The following IGSF10 variants were observed in gnomAD, a reference collection of about 807,000 sequenced individuals.
IGSF10 encodes immunoglobulin superfamily member 10.
IGSF10 carries 126 observed loss-of-function variants against 128.2 expected under a neutral mutation model. The ratio of observed to expected loss-of-function variants is 0.98; its 90% CI spans 0.85 to 1.14. IGSF10 has a LOEUF of 1.14. IGSF10 is among the 50% of genes most tolerant of loss of function. IGSF10 has a pLI of 0.00. For missense variants in IGSF10, 3,295 were observed against 3,149.8 expected, an observed-to-expected ratio of 1.05 and a Z score of -1.10; for synonymous variants, 1,185 against 1,146.2, an observed-to-expected ratio of 1.03 and a Z score of -0.68.
rs145400491 is a variant in IGSF10, at chr3:151,443,229, G to A, written c.5718C>T (p.Asn1906=). The A allele has an allele frequency of 2.6e-4, 415 of 1,613,138 alleles. 2 individuals carry two copies. Among genetic ancestry groups the A allele is most frequent in the Non-Finnish European group, 4.3e-5 (51 of 1,179,622 alleles). The change falls in exon 7 of 8, where the codon AAC becomes AAT. Residue 1906 remains asparagine, a synonymous_variant. Transcript: ENST00000282466. ...LFSNGTLYIR[N]LASSDRGTYE... Reference sequence around the variant, plus strand: ...AAGTGCCCCTGTCTGAAGAGGCTAGGTTTCTTATATACAAAGTCCCATTTG... The same window carrying A: ...AAGTGCCCCTGTCTGAAGAGGCTAGATTTCTTATATACAAAGTCCCATTTG...
the IGSF10 span, among the ~76,000 whole-genome samples, chr3:151,512,227 C>G: frequency 6.6e-6 from 1 of 152,198 alleles, no homozygotes. Context: ...AAGCACTCCT[C>G]AGCAAATGTA....
Position 151,447,928 on chromosome 3 carries a change from T to G in IGSF10, c.2053A>C (p.Asn685His). The change falls in exon 6 of 8, where the codon AAT becomes CAT. Residue 685 changes from asparagine (N) to histidine (H), a missense_variant. Coordinates refer to ENST00000282466, the MANE Select transcript of IGSF10 (RefSeq NM_178822.5). ...ETEGSGLDES[N>H]PIAHLKEPPG... ...GGCTCCTTAAGATGAGCAATAGGAT[T>G]GGACTCATCAAGTCCAGATCCCTCT... 6.2e-7 allele frequency: 1 copy of G among 1,614,128 alleles called. No individual in the cohort carries two copies. Among genetic ancestry groups the G allele is most frequent in the Non-Finnish European group, 8.5e-7 (1 of 1,180,018 alleles).
chr3:151,437,183 G>A lies in IGSF10; in HGVS notation c.7378C>T (p.Pro2460Ser). The A allele has an allele frequency of 6.2e-7, 1 of 1,614,116 alleles. No homozygotes were observed. Among genetic ancestry groups the A allele is most frequent in the Non-Finnish European group, 8.5e-7 (1 of 1,180,006 alleles). The part of the protein sequence containing the change: ...LSLHCVSDGI[P>S]KPNIKWTMPS... ...ATAGTCCATTTGATATTTGGCTTAG[G>A]GATTCCATCAGACACACAATGCAGT... Residue 2460 changes from proline (P) to serine (S), a missense_variant, in exon 8 of 8, where the codon CCT becomes TCT. Physicochemically the swap from Pro to Ser is moderately conservative, Grantham distance 74. Coordinates refer to ENST00000282466, the MANE Select transcript of IGSF10 (RefSeq NM_178822.5).
At chr3:151,512,471 C>G in the IGSF10 span, among the ~76,000 whole-genome samples, 2 of 151,832 alleles carry the variant, frequency 1.3e-5, no homozygotes, top group Non-Finnish European at 2.9e-5. Context: ...CAGTGTGTAT[C>G]GGGAAGTTTA....
At chr3:151,504,582 C>A in the IGSF10 span, among the ~76,000 whole-genome samples, 1 of 152,156 alleles carries the variant, frequency 6.6e-6, no homozygotes, top group Non-Finnish European at 1.5e-5. Flanking sequence ...ACTCACATTT[C>A]CAATCAATTT....
the IGSF10 span, among the ~76,000 whole-genome samples, chr3:151,521,968 G>GA: frequency 1.3e-5 from 2 of 151,438 alleles, no homozygotes; most frequent in African/African-American, 4.8e-5. Context: ...AGACTACTAA[G>GA]AAAAAAGAGA....
the IGSF10 span, among the ~76,000 whole-genome samples, chr3:151,562,803 C>T: frequency 1.6e-4 from 24 of 152,020 alleles, no homozygotes; most frequent in Non-Finnish European, 2.6e-4. Flanking sequence ...AGAAGAGACC[C>T]AAGTGAATAA....
chr3:151,570,726 C>T, the IGSF10 span, among the ~76,000 whole-genome samples: 1 of 152,340 alleles, frequency 6.6e-6, no homozygotes, highest in South Asian at 2.1e-4. Context: ...TGTGCAGAAG[C>T]TCTTTAGTTT....
chr3:151,567,893 G>C, the IGSF10 span, among the ~76,000 whole-genome samples: 2 of 152,106 alleles, frequency 1.3e-5, no homozygotes, highest in Non-Finnish European at 2.9e-5. Flanking sequence ...TCCCTGCATT[G>C]CTGTGCCTCC....
upstream of IGSF10, among the ~76,000 whole-genome samples, chr3:151,465,202 T>A (rs1410906447): frequency 6.6e-6 from 1 of 152,222 alleles, no homozygotes; most frequent in African/African-American, 2.4e-5. Context: ...AAAGAGAGGA[T>A]GGATGAATCT....
chr3:151,558,008 A>ATATATATATTATATATATTATATATATAT, the IGSF10 span, among the ~76,000 whole-genome samples: 130 of 37,806 alleles, frequency 3.4e-3, 10 homozygotes, highest in Non-Finnish European at 5.2e-3. Flanking sequence ...TATATATAAT[A>ATATATATATTATATATATTATATATATAT]TATATATATA....
rs763967927 is a variant in IGSF10 at position 151,448,047 on chromosome 3, C to G, written c.1934G>C (p.Cys645Ser). The change falls in exon 6 of 8, where the codon TGT becomes TCT. Residue 645 changes from cysteine to serine, a missense_variant. Transcript: ENST00000282466. ...VTPKDQGYYR[C>S]VAANPSGVDF... The stretch of plus-strand genomic sequence containing the variant: ...AACCCCTGATGGGTTGGCTGCCACA[C>G]AGCGATAATAACCTTGGTCTTTCGG... The G allele has an allele frequency of 6.2e-7, 1 of 1,614,172 alleles. No individual in the cohort carries two copies. The highest frequency in any genetic ancestry group is 2.2e-5 in the East Asian group (1 of 44,884).
the IGSF10 span, among the ~76,000 whole-genome samples, chr3:151,582,936 A>G: frequency 6.6e-6 from 1 of 152,022 alleles, no homozygotes; most frequent in Non-Finnish European, 1.5e-5. Flanking sequence ...TTTTTTGGTA[A>G]ATATTCTTTA....
chr3:151,473,603 C>T, the IGSF10 span, among the ~76,000 whole-genome samples: 46,102 of 151,850 alleles, frequency 0.3, 7,574 homozygotes, highest in Middle Eastern at 0.38. Flanking sequence ...GGTTATACAC[C>T]CTTACTATAT....
chr3:151,552,183 T>C, the IGSF10 span, among the ~76,000 whole-genome samples: 4 of 152,160 alleles, frequency 2.6e-5, no homozygotes, highest in Non-Finnish European at 4.4e-5. Context: ...CTGCCAGCCA[T>C]GTGAAGGTGT....
chr3:151,507,150 C>A, the IGSF10 span, among the ~76,000 whole-genome samples: 1 of 152,194 alleles, frequency 6.6e-6, no homozygotes, highest in South Asian at 2.1e-4. Context: ...TCCAATATGG[C>A]CCTTTATTCC....
downstream of IGSF10, chr3:151,435,723 C>CAAATT (rs1310419886): frequency 6.6e-6 from 1 of 152,052 alleles, no homozygotes; most frequent in Non-Finnish European, 1.5e-5. Flanking sequence ...TAATATTCCC[C>CAAATT]AAATTAATTC....
chr3:151,493,363 A>G, the IGSF10 span, among the ~76,000 whole-genome samples: 1 of 152,182 alleles, frequency 6.6e-6, no homozygotes, highest in East Asian at 1.9e-4. Context: ...ATCTATAGTC[A>G]TGTGTTACAT....
At chr3:151,579,870 G>GAAAGA in the IGSF10 span, among the ~76,000 whole-genome samples, 1 of 135,902 alleles carries the variant, frequency 7.4e-6, no homozygotes, top group African/African-American at 3.0e-5. Flanking sequence ...AGGAAGGGAG[G>GAAAGA]AAGGAAAGGA....
Sources: allele counts gnomAD v4.1 joint callset (sites outside exome capture counted in the v4.1 genomes callset), GRCh38; gene constraint gnomAD v4.1.1; transcripts MANE v1.5; gene names NCBI Gene and HGNC (gene_info 2026-07-23, HGNC 2026-07-21).